The following CREB3L4 variants were observed in gnomAD, a reference collection of about 807,000 sequenced individuals.
The protein encoded by CREB3L4 is cyclic AMP-responsive element-binding protein 3-like protein 4.
A neutral mutation model predicts 37.0 loss-of-function variants in CREB3L4; 28 were observed. The observed-to-expected ratio is 0.76, with a 90% CI of 0.56 to 1.04. CREB3L4 has a LOEUF of 1.04. Ranked by LOEUF, CREB3L4 falls within the 50% of genes least tolerant of loss-of-function variation. The pLI is 0.00. For missense variants in CREB3L4, 462 were observed against 486.0 expected, an observed-to-expected ratio of 0.95 and a Z score of 0.46; for synonymous variants, 175 against 192.2, an observed-to-expected ratio of 0.91 and a Z score of 0.74.
At chr1:153,973,743 CCTGG>C (rs770414635) in intron 9 of CREB3L4, 27 bp downstream of exon 9, 23 of 1,574,196 alleles carry the variant, frequency 1.5e-5, no homozygotes, top group Non-Finnish European at 1.9e-5. Context: ...GGGAGCAACC[CCTGG>C]CTGAGCAAGG....
At chr1:153,968,855 T>C (rs1388378952) in intron 2 of CREB3L4, 75 bp from the exon 3 acceptor site, 16 of 1,536,880 alleles carry the variant, frequency 1.0e-5, no homozygotes, top group Non-Finnish European at 1.3e-5. Context: ...GTGAAAGGAC[T>C]GAAAATGAAG....
At chr1:153,973,314 C>T in intron 7 of CREB3L4, 51 bp downstream of exon 7, 7 of 1,609,778 alleles carry the variant, frequency 4.3e-6, no homozygotes, top group Non-Finnish European at 6.0e-6. Context: ...AGGTACAGCA[C>T]ACAGGGGTGC....
Position 153,972,809 on chromosome 1 carries a change from C to T in CREB3L4, c.609C>T (p.Ser203=), listed in dbSNP as rs1347958189. The change falls in exon 5 of 10, where the codon TCC becomes TCT. Residue 203 remains serine, a synonymous_variant. Coordinates refer to ENST00000368607, the MANE Select transcript of CREB3L4 (RefSeq NM_001255978.2). ...EKRLLGQEGV[S]LPSHLPLTKA... ...GTCTGCTGGGGCAGGAAGGGGTTTC[C>T]CTGCCCTCTCACCTGCCCCTCACCA... The T allele has an allele frequency of 3.7e-6, 6 of 1,613,876 alleles. No homozygotes were observed. The highest frequency in any genetic ancestry group is 3.3e-4 in the Middle Eastern group (2 of 6,034).
upstream of CREB3L4, chr1:153,967,757 G>C (rs1647899916): frequency 6.6e-6 from 1 of 152,228 alleles, no homozygotes. Context: ...AGGCGGCCTT[G>C]AGAGGGTAGT....
intron 4 of CREB3L4, among the ~76,000 whole-genome samples, chr1:153,972,014 G>A (rs1648426624): frequency 6.6e-6 from 1 of 152,130 alleles, no homozygotes; most frequent in South Asian, 2.1e-4. Context: ...ATAGACATTG[G>A]GTTTTGCCAT....
intron 4 of CREB3L4, among the ~76,000 whole-genome samples, chr1:153,971,261 G>A (rs571809459): frequency 1.3e-5 from 2 of 151,476 alleles, no homozygotes; most frequent in Non-Finnish European, 2.9e-5. Flanking sequence ...CCAGCTACTC[G>A]AGAGGCTGAG....
Position 153,971,180 on chromosome 1 carries a change from C to T in CREB3L4, c.544-1564C>T, listed in dbSNP as rs540887210. Among the ~76,000 whole-genome samples the T allele has an allele frequency of 9.3e-5, 14 of 150,272 alleles. No individual in the cohort carries two copies. In the South Asian group the frequency reaches 2.4e-3, roughly 26 times the overall value. On this transcript the variant is annotated intron_variant, in intron 4 of 9. Coordinates refer to ENST00000368607, the MANE Select transcript of CREB3L4 (RefSeq NM_001255978.2). Reference sequence around the variant, plus strand: ...GTCAGGAGTTCGAGACCAGCCTGGCCAACATGGTGAAACCCCATCTCTACT... The same window carrying T: ...GTCAGGAGTTCGAGACCAGCCTGGCTAACATGGTGAAACCCCATCTCTACT...
At chr1:153,971,260 C>T (rs12760271) in intron 4 of CREB3L4, among the ~76,000 whole-genome samples, 2 of 151,388 alleles carry the variant, frequency 1.3e-5, no homozygotes, top group Admixed American at 6.6e-5. Context: ...CCCAGCTACT[C>T]GAGAGGCTGA....
rs1017611874 is a variant in CREB3L4, at chr1:153,974,123, T to A, written c.*58T>A. 2.6e-6 allele frequency: 4 copies of A among 1,531,648 alleles called. No individual in the cohort carries two copies. The highest frequency in any genetic ancestry group is 1.4e-5 in the African/African-American group (1 of 73,106). 94.9% of individuals were successfully genotyped at this position (1,531,648 alleles called of 1,614,324 possible). A position where few individuals can be genotyped will look rare whatever the true frequency, so the allele number is the denominator to read the frequency against. ...TCACAAGGAATCCTGGGCTTCCTTA[T>A]GGCTTTGCTTCCCACTGGGATTCCT... On this transcript the variant is annotated 3_prime_UTR_variant, in exon 10 of 10. Transcript: ENST00000368607.
rs373287482 is a variant in CREB3L4 at position 153,969,287 on chromosome 1, G to A, written c.422-47G>A. 6.8e-6 allele frequency: 11 copies of A among 1,614,186 alleles called. No individual in the cohort carries two copies. The South Asian group carries it at 1.1e-4, about 16-fold the overall frequency. ...ACTACCCAGGCCCTGCGGCTGTCAGGGTGTTCCTAAGTCTCCTTTCTCCCA... is the reference window on the plus strand; with the variant it reads ...ACTACCCAGGCCCTGCGGCTGTCAGAGTGTTCCTAAGTCTCCTTTCTCCCA... On this transcript the variant is annotated intron_variant, in intron 3 of 9. Transcript: ENST00000368607.
In CREB3L4 at chr1:153,968,698, G is replaced by A. The variant is rs1348799853; in HGVS notation, c.173G>A (p.Cys58Tyr). ...QGWKSGGDRG[C>Y]GLQESEPEDF... ...TGGAAGTCCGGTGGGGACCGTGGCT[G>A]TGTGAGTGTGACGAGTGGGAGTGGG... The change falls in exon 2 of 10, where the codon TGT (cysteine) becomes TAT (tyrosine). Residue 58 changes from cysteine (C) to tyrosine (Y), a missense_variant and splice_region_variant. Cys to Tyr is a radical substitution (Grantham distance 194). Coordinates refer to ENST00000368607, the MANE Select transcript of CREB3L4 (RefSeq NM_001255978.2). The A allele has an allele frequency of 1.2e-5, 19 of 1,613,716 alleles. No homozygotes were observed. The highest frequency in any genetic ancestry group is 1.6e-5 in the Non-Finnish European group (19 of 1,179,996).
At position 153,969,188 on chromosome 1, in the gene CREB3L4, T is replaced by C. The variant is rs767772588; in HGVS notation, c.421+12T>C. ...CTCCATCCAGCTAGGTCAGTGTTCT[T>C]TGTGGGAAGGGGGAAATGGCCCTTC... On this transcript the variant is annotated intron_variant, in intron 3 of 9. Coordinates refer to ENST00000368607, the MANE Select transcript of CREB3L4 (RefSeq NM_001255978.2). 1.2e-6 allele frequency: 2 copies of C among 1,613,934 alleles called. No homozygotes were observed.
At chr1:153,971,581 CTTTTTCTTTTTT>C (rs1369454238) in intron 4 of CREB3L4, among the ~76,000 whole-genome samples, 6 of 113,666 alleles carry the variant, frequency 5.3e-5, no homozygotes, top group Non-Finnish European at 7.5e-5. Context: ...TTTTCTTTTT[CTTTTTCTTTTTT>C]TTTTTTTTTT....
rs1238868671 is a variant in CREB3L4, at chr1:153,973,089, G to A, written c.743+11G>A. 3.7e-6 allele frequency: 6 copies of A among 1,613,888 alleles called. No individual in the cohort carries two copies. The highest frequency in any genetic ancestry group is 2.7e-5 in the African/African-American group (2 of 75,018). On this transcript the variant is annotated intron_variant, in intron 6 of 9. Transcript: ENST00000368607. ...TGGGCTGGAGAGCAGGTACGCCTGG[G>A]TTATTTCTGGCTTCTTGTGGGCCAT...
chr1:153,968,339 A>C, intron 1 of CREB3L4, 175 bp downstream of exon 1: 1 of 575,438 alleles, frequency 1.7e-6, no homozygotes, highest in African/African-American at 2.0e-5. Context: ...CTCTTTGTCT[A>C]AACCTGAGGG....
intron 4 of CREB3L4, among the ~76,000 whole-genome samples, chr1:153,971,741 A>C (rs1011909075): frequency 1.3e-5 from 2 of 152,076 alleles, no homozygotes; most frequent in Non-Finnish European, 2.9e-5. Context: ...AAAGCCACAC[A>C]GGAAATGGTT....
Position 153,973,278 on chromosome 1 carries a change from T to C in CREB3L4, c.812+15T>C, listed in dbSNP as rs1236523003. 6.2e-7 allele frequency: 1 copy of C among 1,613,580 alleles called. No individual in the cohort carries two copies. Among genetic ancestry groups the C allele is most frequent in the South Asian group, 1.1e-5 (1 of 91,050 alleles). ...AGGCACAACATGTGAGTGAAAGCAT[T>C]GTGTGTGTATGTGTGTTTTGAAGGC... On this transcript the variant is annotated intron_variant, in intron 7 of 9. Coordinates refer to ENST00000368607, the MANE Select transcript of CREB3L4 (RefSeq NM_001255978.2).
Position 153,974,169 on chromosome 1 carries a change from G to C in CREB3L4, c.*104G>C. 8.9e-7 allele frequency: 1 copy of C among 1,124,594 alleles called. No homozygotes were observed. Among genetic ancestry groups the C allele is most frequent in the East Asian group, 2.5e-5 (1 of 39,430 alleles). The allele number at this position is 1,124,594 out of a possible 1,614,324, so 69.7% of individuals were successfully genotyped here. On this transcript the variant is annotated 3_prime_UTR_variant, in exon 10 of 10. Coordinates refer to ENST00000368607, the MANE Select transcript of CREB3L4 (RefSeq NM_001255978.2). Reference sequence around the variant, plus strand: ...TTCCTACTTAGGTGTCTGCCCTCAGGGGTCCAAATCACTTCAGGACACCCC... The same window carrying C: ...TTCCTACTTAGGTGTCTGCCCTCAGCGGTCCAAATCACTTCAGGACACCCC...
chr1:153,973,430 C>T lies in CREB3L4; in HGVS notation c.863C>T (p.Ser288Phe), dbSNP rs146463170. The T allele has an allele frequency of 2.5e-6, 4 of 1,614,142 alleles. No homozygotes were observed. ...RQLQTLIAQTSNKAAQTSTCV... is the reference protein window; with the variant it reads ...RQLQTLIAQTFNKAAQTSTCV... ...CTGCAGACGCTAATTGCTCAAACTT[C>T]CAACAAAGCTGCCCAGACCAGCACT... The change falls in exon 8 of 10, where the codon TCC becomes TTC. Residue 288 changes from serine to phenylalanine, a missense_variant. By Grantham distance (155) the Ser-to-Phe change is radical (BLOSUM62 -2). Coordinates refer to ENST00000368607, the MANE Select transcript of CREB3L4 (RefSeq NM_001255978.2).
Sources: gnomAD v4.1 joint callset for allele counts (sites outside exome capture counted in the v4.1 genomes callset) on GRCh38, gnomAD v4.1.1 for gene constraint, MANE v1.5 for transcripts, NCBI Gene and HGNC (gene_info 2026-07-23, HGNC 2026-07-21) for gene names.